The following INPP4B variants were observed in gnomAD, a reference collection of about 807,000 sequenced individuals.
INPP4B encodes inositol polyphosphate-4-phosphatase type II B, also known as inositol polyphosphate 4-phosphatase type II.
INPP4B carries 55 observed loss-of-function variants against 122.5 expected under a neutral mutation model. The ratio of observed to expected loss-of-function variants is 0.45; its 90% CI spans 0.36 to 0.56. The LOEUF is 0.56. Among genes scored for constraint, INPP4B ranks in the 20% least tolerant of loss-of-function variants. The pLI, the probability that INPP4B is intolerant of heterozygous loss-of-function variation, is 0.00. For missense variants in INPP4B, 1,000 were observed against 1,097.7 expected, an observed-to-expected ratio of 0.91 and a Z score of 1.26; for synonymous variants, 403 against 388.7, an observed-to-expected ratio of 1.04 and a Z score of -0.43.
At chr4:142,451,856 G>T (rs543807489) in intron 3 of INPP4B, among the ~76,000 whole-genome samples, 6 of 152,248 alleles carry the variant, frequency 3.9e-5, no homozygotes, top group African/African-American at 1.4e-4. Context: ...TTATTCACTC[G>T]TTTCAAATTA....
chr4:142,743,486 T>G (rs563466185), intron 1 of INPP4B, among the ~76,000 whole-genome samples: 4 of 152,002 alleles, frequency 2.6e-5, no homozygotes, highest in African/African-American at 9.6e-5. Context: ...ATGAGGCATT[T>G]TAGAGAGTTA....
intron 2 of INPP4B, among the ~76,000 whole-genome samples, chr4:142,615,159 A>G (rs1348380969): frequency 1.3e-5 from 2 of 152,160 alleles, no homozygotes; most frequent in African/African-American, 4.8e-5. Flanking sequence ...GTTAGTTCTG[A>G]GTCAGTATGA....
chr4:142,042,948 C>T (rs1018699058), intron 25 of INPP4B, among the ~76,000 whole-genome samples: 1 of 152,100 alleles, frequency 6.6e-6, no homozygotes, highest in African/African-American at 2.4e-5. Context: ...ATGGATGGAG[C>T]GAACTATGAA....
intron 9 of INPP4B, chr4:142,286,996 A>G (rs1478002230): frequency 2.0e-5 from 3 of 150,630 alleles, no homozygotes; most frequent in South Asian, 4.1e-4. Context: ...AGCTAGAGAC[A>G]TTTTCCTCTT....
chr4:142,738,279 A>G (rs1767309611), intron 1 of INPP4B, among the ~76,000 whole-genome samples: 1 of 152,246 alleles, frequency 6.6e-6, no homozygotes. Flanking sequence ...CTATGCAGCC[A>G]TAAAAAATGA....
chr4:142,347,954 G>A (rs1780802082), intron 7 of INPP4B, among the ~76,000 whole-genome samples: 4 of 152,004 alleles, frequency 2.6e-5, no homozygotes, highest in Admixed American at 2.6e-4. Context: ...AACTATAATT[G>A]TCAGAAACGT....
intron 2 of INPP4B, among the ~76,000 whole-genome samples, chr4:142,548,981 C>G (rs534650576): frequency 1.3e-5 from 2 of 152,102 alleles, no homozygotes; most frequent in East Asian, 3.9e-4. Context: ...GCTCTATTGC[C>G]TCTAGAATTA....
At chr4:142,044,168 T>C (rs1342802716) in intron 25 of INPP4B, among the ~76,000 whole-genome samples, 2 of 152,112 alleles carry the variant, frequency 1.3e-5, no homozygotes, top group African/African-American at 4.8e-5. Flanking sequence ...ATGACGTTAG[T>C]TAGATATAGA....
intron 7 of INPP4B, among the ~76,000 whole-genome samples, chr4:142,343,546 A>C (rs1779342039): frequency 6.6e-6 from 1 of 152,008 alleles, no homozygotes; most frequent in South Asian, 2.1e-4. Flanking sequence ...CTTTTACCAA[A>C]ATGGAGAATT....
intron 2 of INPP4B, among the ~76,000 whole-genome samples, chr4:142,721,933 T>C (rs1224045292): frequency 6.6e-6 from 1 of 152,202 alleles, no homozygotes; most frequent in Non-Finnish European, 1.5e-5. Context: ...GTCTTTTAAA[T>C]ATACCTTCAA....
intron 25 of INPP4B, among the ~76,000 whole-genome samples, chr4:142,040,984 C>T (rs1578695042): frequency 1.3e-5 from 2 of 152,258 alleles, no homozygotes; most frequent in African/African-American, 4.8e-5. Context: ...CATCACGACA[C>T]CTGGCTTCCC....
chr4:142,245,311 T>C (rs1359327379), intron 11 of INPP4B, among the ~76,000 whole-genome samples: 2 of 152,208 alleles, frequency 1.3e-5, no homozygotes, highest in Non-Finnish European at 2.9e-5. Flanking sequence ...CTGAATGGTA[T>C]TGCCTAGATT....
chr4:142,415,075 A>G (rs1805393518), intron 5 of INPP4B, among the ~76,000 whole-genome samples: 1 of 152,148 alleles, frequency 6.6e-6, no homozygotes, highest in Admixed American at 6.6e-5. Context: ...GCCTTTTACC[A>G]CCCTTTCTCC....
At position 142,522,194 on chromosome 4, in the gene INPP4B, T is replaced by C. The variant is rs9991893; in HGVS notation, c.-190-59468A>G. Among the ~76,000 whole-genome samples the C allele has an allele frequency of 2.6e-5, 4 of 152,096 alleles. No homozygotes were observed. The East Asian group carries it at 5.8e-4, about 22-fold the overall frequency. On this transcript the variant is annotated intron_variant, in intron 2 of 25. Transcript: ENST00000262992. The stretch of plus-strand genomic sequence containing the variant: ...TTTTAAAGGTTTTTATGTTTATCAA[T>C]TTTTAAAGTTTGTATTTCAGTATCT...
intron 15 of INPP4B, among the ~76,000 whole-genome samples, chr4:142,192,029 G>A (rs891762297): frequency 4.6e-5 from 7 of 151,760 alleles, no homozygotes; most frequent in African/African-American, 1.5e-4. Flanking sequence ...GTGATAAAAC[G>A]TTAAAAAATT....
intron 7 of INPP4B, among the ~76,000 whole-genome samples, chr4:142,338,196 C>T (rs1191146118): frequency 6.6e-6 from 1 of 151,904 alleles, no homozygotes; most frequent in African/African-American, 2.4e-5. Context: ...TGATTAAGTG[C>T]CATATGACAG....
chr4:142,545,843 G>T (rs1055493368), intron 2 of INPP4B, among the ~76,000 whole-genome samples: 20 of 146,732 alleles, frequency 1.4e-4, no homozygotes, highest in Non-Finnish European at 2.8e-4. Context: ...ATATAAAATG[G>T]TCTGTTGTTC....
intron 2 of INPP4B, among the ~76,000 whole-genome samples, chr4:142,589,204 A>T (rs993473668): frequency 6.6e-6 from 1 of 152,066 alleles, no homozygotes; most frequent in African/African-American, 2.4e-5. Flanking sequence ...TAAATGTAGA[A>T]TATAAAAGCT....
At chr4:142,647,956 C>T (rs1412537630) in intron 2 of INPP4B, among the ~76,000 whole-genome samples, 4 of 152,218 alleles carry the variant, frequency 2.6e-5, no homozygotes, top group Non-Finnish European at 1.5e-5. Flanking sequence ...CACATTTCCT[C>T]CTCCTTTTCG....
Sources: allele counts gnomAD v4.1 joint callset (sites outside exome capture counted in the v4.1 genomes callset), GRCh38; gene constraint gnomAD v4.1.1; transcripts MANE v1.5; gene names NCBI Gene and HGNC (gene_info 2026-07-23, HGNC 2026-07-21).